The following BACE2 variants were observed in gnomAD, a reference collection of about 807,000 sequenced individuals.
BACE2 encodes the protein 56 kDa aspartic-like protease.
BACE2 carries 17 observed loss-of-function variants against 46.2 expected under a neutral mutation model. That is an observed-to-expected ratio of 0.37 (90% CI 0.25 to 0.55). The LOEUF is 0.55. Among genes scored for constraint, BACE2 ranks in the 20% least tolerant of loss-of-function variants. The pLI, the probability that BACE2 is intolerant of heterozygous loss-of-function variation, is 0.82. For missense variants in BACE2, 595 were observed against 698.1 expected (o/e 0.85, Z 1.66); for synonymous variants, 277 against 295.9 (o/e 0.94, Z 0.66).
chr21:41,196,327 A>AG lies in BACE2; in HGVS notation c.312+27752_312+27753insG, dbSNP rs537589344. 1.0e-3 allele frequency among the ~76,000 whole-genome samples: 158 copies of AG among 151,532 alleles called. No individual in the cohort carries two copies. The East Asian group carries it at 0.021, about 20-fold the overall frequency. The stretch of plus-strand genomic sequence containing the variant: ...CAAAAAACAAAACCAAAAAAAAAAA[A>AG]AGAGAGAGAGAGAGAAATCCAATTC... On this transcript the variant is annotated intron_variant, in intron 1 of 8. Coordinates refer to ENST00000330333, the MANE Select transcript of BACE2 (RefSeq NM_012105.5).
chr21:41,250,823 G>A lies in BACE2; in HGVS notation c.1056G>A (p.Trp352Ter). 6.2e-7 allele frequency: 1 copy of A among 1,614,134 alleles called. No homozygotes were observed. Among genetic ancestry groups the A allele is most frequent in the Non-Finnish European group, 8.5e-7 (1 of 1,180,008 alleles). ...GCTGGACGAATTCGGAAACACCTTGGTCTTACTTCCCTAAAATCTCCATCT... is the reference window on the plus strand; with the variant it reads ...GCTGGACGAATTCGGAAACACCTTGATCTTACTTCCCTAAAATCTCCATCT... ...LACWTNSETP[W>*]SYFPKISIYL... Residue 352 changes from tryptophan to a stop codon, truncating the protein, a stop_gained, in exon 7 of 9, where the codon TGG (tryptophan) becomes TGA (stop). Coordinates refer to ENST00000330333, the MANE Select transcript of BACE2 (RefSeq NM_012105.5). LOFTEE classifies it high-confidence loss of function.
chr21:41,230,104 C>A (rs751357211), intron 2 of BACE2: 5 of 152,236 alleles, frequency 3.3e-5, no homozygotes, highest in African/African-American at 1.2e-4. Flanking sequence ...TAACACATCA[C>A]GCACCTTTTG....
intron 8 of BACE2, among the ~76,000 whole-genome samples, chr21:41,262,934 CAAATCATATATTTT>C (rs913492582): frequency 1.6e-4 from 24 of 151,040 alleles, no homozygotes; most frequent in African/African-American, 5.8e-4. Context: ...ATATAATCTG[CAAATCATATATTTT>C]AAATCACTTG....
At chr21:41,172,472 G>A (rs1015173280) in intron 1 of BACE2, among the ~76,000 whole-genome samples, 1 of 152,190 alleles carries the variant, frequency 6.6e-6, no homozygotes, top group Non-Finnish European at 1.5e-5. Flanking sequence ...TTTCAGACAG[G>A]GTAACCGAGG....
intron 7 of BACE2, among the ~76,000 whole-genome samples, chr21:41,253,039 A>G (rs944045174): frequency 2.0e-5 from 3 of 152,232 alleles, no homozygotes; most frequent in Non-Finnish European, 2.9e-5. Context: ...AGAAACAATA[A>G]TACCTACCAA....
At chr21:41,264,304 C>T (rs953162814) in intron 8 of BACE2, among the ~76,000 whole-genome samples, 2 of 151,732 alleles carry the variant, frequency 1.3e-5, no homozygotes, top group Admixed American at 6.6e-5. Flanking sequence ...ATACCATAGC[C>T]GGGCACAGTG....
chr21:41,229,605 C>T (rs1033526504), intron 2 of BACE2, among the ~76,000 whole-genome samples: 9 of 152,236 alleles, frequency 5.9e-5, no homozygotes, highest in South Asian at 2.1e-4. Flanking sequence ...TCTGCATTAT[C>T]AAGACTATGT....
intron 1 of BACE2, among the ~76,000 whole-genome samples, chr21:41,201,962 G>A (rs117295737): frequency 6.6e-6 from 1 of 152,212 alleles, no homozygotes; most frequent in Non-Finnish European, 1.5e-5. Context: ...AACCACTGGA[G>A]GCCTGGTGTT....
intron 1 of BACE2, chr21:41,180,539 C>T (rs1985081021): frequency 6.0e-6 from 1 of 167,172 alleles, no homozygotes; most frequent in Admixed American, 6.5e-5. Flanking sequence ...GGGCTGGAAG[C>T]CTTGTGCCAG....
chr21:41,213,482 A>G (rs1986359738), intron 1 of BACE2, among the ~76,000 whole-genome samples: 1 of 152,210 alleles, frequency 6.6e-6, no homozygotes, highest in Non-Finnish European at 1.5e-5. Flanking sequence ...GTTGAAAAAA[A>G]TGAGTAAGCT....
chr21:41,230,887 A>G (rs1986951668), intron 2 of BACE2, among the ~76,000 whole-genome samples: 1 of 152,246 alleles, frequency 6.6e-6, no homozygotes, highest in Non-Finnish European at 1.5e-5. Flanking sequence ...TTTTTAGCCA[A>G]TAAAATCTCA....
chr21:41,249,060 G>T (rs1427340392), intron 6 of BACE2, among the ~76,000 whole-genome samples: 1 of 152,168 alleles, frequency 6.6e-6, no homozygotes, highest in African/African-American at 2.4e-5. Context: ...AGTGCCTCTG[G>T]AGTGTGTGTC....
intron 8 of BACE2, among the ~76,000 whole-genome samples, chr21:41,273,080 A>G (rs1568895932): frequency 6.6e-6 from 1 of 152,176 alleles, no homozygotes; most frequent in African/African-American, 2.4e-5. Flanking sequence ...GCAAGTTTTT[A>G]TTAGTGATTT....
At chr21:41,217,853 GGCCTGGGGACAC>G (rs1162791591) in intron 1 of BACE2, among the ~76,000 whole-genome samples, 1 of 152,212 alleles carries the variant, frequency 6.6e-6, no homozygotes, top group East Asian at 1.9e-4. Flanking sequence ...GTGAGTGGGA[GGCCTGGGGACAC>G]GCCTCCATGA....
At position 41,195,679 on chromosome 21, in the gene BACE2, T is replaced by A. The variant is rs999806601; in HGVS notation, c.312+27104T>A. On this transcript the variant is annotated intron_variant, in intron 1 of 8. Transcript: ENST00000330333. ...GCAGTAAATCCAACCACAACACCTCTCCTCCCCGACTATAGACCGCCAAGC... is the reference window on the plus strand; with the variant it reads ...GCAGTAAATCCAACCACAACACCTCACCTCCCCGACTATAGACCGCCAAGC... Among the ~76,000 whole-genome samples, 7 of 151,956 alleles carry A rather than the reference T, an allele frequency of 4.6e-5. No individual in the cohort carries two copies. The East Asian group carries it at 1.3e-3, about 29-fold the overall frequency.
In BACE2 at chr21:41,168,472, C is replaced by G; in HGVS notation, c.209C>G (p.Ser70Cys). ...CTCGCCCTGGAGCCTGCCCTGGCGT[C>G]CCCCGCGGGCGCCGCCAACTTCTTG... ...LALALEPALASPAGAANFLAM... is the reference protein window; with the variant it reads ...LALALEPALACPAGAANFLAM... The change falls in exon 1 of 9, where the codon TCC becomes TGC. Residue 70 changes from serine to cysteine, a missense_variant. This residue lies in a region of BACE2 where 248 missense variants were observed against 261.4 expected (regional missense o/e 0.95). Transcript: ENST00000330333. 1 of 1,378,728 alleles carries G rather than the reference C, an allele frequency of 7.3e-7. No homozygotes were observed. The highest frequency in any genetic ancestry group is 9.4e-7 in the Non-Finnish European group (1 of 1,062,170). The allele number at this position is 1,378,728 out of a possible 1,614,324, so 85.4% of individuals were successfully genotyped here.
At chr21:41,180,847 T>A (rs537108834) in intron 1 of BACE2, 40 of 167,244 alleles carry the variant, frequency 2.4e-4, no homozygotes, top group African/African-American at 9.4e-4. Flanking sequence ...CCCCACCTTG[T>A]TCAGCTAGTA....
chr21:41,168,720 G>C lies in BACE2; in HGVS notation c.312+145G>C. ...GAGCGGGGAACGCAGAGGGGCTCGG[G>C]TGGGCCGGGGAGCGGGGGCGCTCGC... On this transcript the variant is annotated intron_variant, in intron 1 of 8. Transcript: ENST00000330333. The C allele has an allele frequency of 3.7e-6, 2 of 538,892 alleles. 1 individual carries two copies. The allele number at this position is 538,892 out of a possible 1,614,324, so 33.4% of individuals were successfully genotyped here. A position where few individuals can be genotyped will look rare whatever the true frequency, so the allele number is the denominator to read the frequency against.
chr21:41,278,330 G>A lies in BACE2; in HGVS notation c.*2706G>A, dbSNP rs777135012. 2 of 152,084 alleles carry A rather than the reference G, an allele frequency of 1.3e-5. No individual in the cohort carries two copies. The highest frequency in any genetic ancestry group is 2.4e-5 in the African/African-American group (1 of 41,388). The allele number at this position is 152,084 out of a possible 1,614,324, so 9.4% of individuals were successfully genotyped here. ...TTAAAAATAGCAAGAAACAAGATGG[G>A]GACCAATTCTATTTTTATTCTTGGG... On this transcript the variant is annotated 3_prime_UTR_variant, in exon 9 of 9. Transcript: ENST00000330333.
Sources: allele counts gnomAD v4.1 joint callset (sites outside exome capture counted in the v4.1 genomes callset), GRCh38; gene constraint gnomAD v4.1.1; regional missense constraint gnomAD v4.1.1; transcripts MANE v1.5; gene names NCBI Gene and HGNC (gene_info 2026-07-23, HGNC 2026-07-21).